Variants in ANKS1B observed in about 807,000 individuals in gnomAD.
The protein encoded by ANKS1B is ankyrin repeat and sterile alpha motif domain-containing protein 1B.
A neutral mutation model predicts 148.3 loss-of-function variants in ANKS1B; 36 were observed. That is an observed-to-expected ratio of 0.24 (90% CI 0.19 to 0.32). The LOEUF (loss-of-function observed/expected upper bound fraction) is 0.32. Among genes scored for constraint, ANKS1B ranks in the 10% least tolerant of loss-of-function variants. The probability of loss-of-function intolerance (pLI) is 1.00; values close to 1 mark genes in which losing one functional copy is unlikely to be tolerated. For synonymous variants in ANKS1B, 542 were observed against 560.8 expected (o/e 0.97, Z 0.47); for missense variants, 1,157 against 1,542.6 (o/e 0.75, Z 4.19).
intron 17 of ANKS1B, among the ~76,000 whole-genome samples, chr12:99,028,527 C>T (rs1488569067): frequency 6.6e-6 from 1 of 152,104 alleles, no homozygotes; most frequent in Non-Finnish European, 1.5e-5. Flanking sequence ...GTTTATGGAT[C>T]CAGATGGCAG....
intron 1 of ANKS1B, among the ~76,000 whole-genome samples, chr12:99,964,238 A>G (rs909417895): frequency 2.0e-5 from 3 of 152,212 alleles, no homozygotes; most frequent in Admixed American, 1.3e-4. Context: ...CACAGTGCTC[A>G]TGCTTTGGTC....
Position 99,591,286 on chromosome 12 carries a change from A to G in ANKS1B, c.1272+63781T>C, listed in dbSNP as rs148282575. On this transcript the variant is annotated intron_variant, in intron 9 of 26. Transcript: ENST00000683438. ...AAAATACTTCATACCGAATTAGAAT[A>G]AAAATTAATATTATTTATTATCCTA... Among the ~76,000 whole-genome samples the G allele has an allele frequency of 1.2e-4, 18 of 152,162 alleles. No individual in the cohort carries two copies. In the East Asian group the frequency reaches 2.5e-3, roughly 21 times the overall value.
intron 1 of ANKS1B, among the ~76,000 whole-genome samples, chr12:99,887,416 T>C (rs1172215828): frequency 1.3e-5 from 2 of 152,210 alleles, no homozygotes; most frequent in East Asian, 3.8e-4. Context: ...AAAATTAATA[T>C]CATCTGTTTC....
rs2095090335 is a variant in ANKS1B at position 99,421,732 on chromosome 12, C to G, written c.1576-21921G>C. Among the ~76,000 whole-genome samples the G allele has an allele frequency of 1.3e-5, 2 of 152,296 alleles. 1 individual carries two copies. On this transcript the variant is annotated intron_variant, in intron 11 of 26. Coordinates refer to ENST00000683438, the MANE Select transcript of ANKS1B (RefSeq NM_001352186.2). ...CATTAGACATATTTTGCTTTAGAAACAAACCCAAGTGATATAGTTTGAATA... is the reference window on the plus strand; with the variant it reads ...CATTAGACATATTTTGCTTTAGAAAGAAACCCAAGTGATATAGTTTGAATA...
intron 14 of ANKS1B, chr12:99,155,196 C>T: frequency 2.4e-6 from 3 of 1,252,192 alleles, no homozygotes; most frequent in Non-Finnish European, 3.2e-6. Context: ...TCTCCTTTTC[C>T]TTTCTTTCCT....
At chr12:99,647,567 G>A (rs1018957049) in intron 9 of ANKS1B, among the ~76,000 whole-genome samples, 2 of 152,156 alleles carry the variant, frequency 1.3e-5, no homozygotes, top group South Asian at 2.1e-4. Flanking sequence ...GTCCCTAGAT[G>A]GTAGGTTGGT....
chr12:99,088,555 A>T (rs1286323891), intron 15 of ANKS1B, among the ~76,000 whole-genome samples: 2 of 151,302 alleles, frequency 1.3e-5, no homozygotes, highest in African/African-American at 2.4e-5. Flanking sequence ...AAGAATATAT[A>T]TTTTTTTTTG....
chr12:99,862,087 C>T (rs2090109920), intron 1 of ANKS1B, among the ~76,000 whole-genome samples: 1 of 152,084 alleles, frequency 6.6e-6, no homozygotes, highest in Non-Finnish European at 1.5e-5. Context: ...TTACTGTTAA[C>T]ACTGAATTTT....
intron 9 of ANKS1B, among the ~76,000 whole-genome samples, chr12:99,507,627 T>C (rs79811428): frequency 9.2e-5 from 14 of 151,990 alleles, no homozygotes; most frequent in East Asian, 3.9e-4. Flanking sequence ...TGGAGGGCCA[T>C]AATTTCTTCT....
At chr12:99,556,097 G>A (rs1488448421) in intron 9 of ANKS1B, among the ~76,000 whole-genome samples, 2 of 152,088 alleles carry the variant, frequency 1.3e-5, no homozygotes, top group South Asian at 4.1e-4. Flanking sequence ...TTTGGTTACT[G>A]ATTCAATTTC....
intron 17 of ANKS1B, among the ~76,000 whole-genome samples, chr12:98,900,450 C>T (rs2099770429): frequency 6.6e-6 from 1 of 152,130 alleles, no homozygotes; most frequent in Non-Finnish European, 1.5e-5. Context: ...ATAGAATCTG[C>T]CTCCGTCCTT....
intron 1 of ANKS1B, among the ~76,000 whole-genome samples, chr12:99,969,170 A>G (rs997558583): frequency 6.6e-6 from 1 of 152,182 alleles, no homozygotes. Flanking sequence ...AAAAAATTCC[A>G]CACTGGGTTT....
At chr12:99,672,963 C>T (rs2153471945) in intron 8 of ANKS1B, among the ~76,000 whole-genome samples, 1 of 152,184 alleles carries the variant, frequency 6.6e-6, no homozygotes, top group African/African-American at 2.4e-5. Context: ...TATTTTGTCT[C>T]TAAAAGCCAA....
intron 17 of ANKS1B, among the ~76,000 whole-genome samples, chr12:98,867,320 G>A (rs1194294588): frequency 1.3e-5 from 2 of 152,146 alleles, no homozygotes; most frequent in Admixed American, 1.3e-4. Context: ...GACAGTGCGA[G>A]GCCATCTTCA....
At chr12:99,708,805 T>C (rs1046706541) in intron 8 of ANKS1B, among the ~76,000 whole-genome samples, 5 of 152,178 alleles carry the variant, frequency 3.3e-5, no homozygotes, top group South Asian at 2.1e-4. Flanking sequence ...TCTTTTGCTA[T>C]AAAAGGTAAC....
At chr12:98,894,871 C>T (rs2099761051) in intron 17 of ANKS1B, 1 of 978,600 alleles carries the variant, frequency 1.0e-6, no homozygotes, top group Non-Finnish European at 1.2e-6. Context: ...CCGCGAGCTC[C>T]CCGGGCCCGC....
At chr12:98,836,405 G>A (rs943804131) in intron 17 of ANKS1B, among the ~76,000 whole-genome samples, 1 of 152,260 alleles carries the variant, frequency 6.6e-6, no homozygotes, top group African/African-American at 2.4e-5. Context: ...GATTCAATCC[G>A]AGCTGGCTCA....
intron 9 of ANKS1B, among the ~76,000 whole-genome samples, chr12:99,505,088 T>C (rs1206032536): frequency 6.6e-6 from 1 of 151,980 alleles, no homozygotes; most frequent in Non-Finnish European, 1.5e-5. Context: ...GGAAGAAGCA[T>C]ATAAGGAGGC....
At chr12:99,869,665 G>C (rs557483661) in intron 1 of ANKS1B, among the ~76,000 whole-genome samples, 70 of 148,138 alleles carry the variant, frequency 4.7e-4, no homozygotes, top group Middle Eastern at 6.8e-3. Context: ...TGGGCAACAA[G>C]AGTGAAACTT....
Sources: allele counts gnomAD v4.1 joint callset (sites outside exome capture counted in the v4.1 genomes callset), GRCh38; gene constraint gnomAD v4.1.1; transcripts MANE v1.5; gene names NCBI Gene and HGNC (gene_info 2026-07-23, HGNC 2026-07-21).